Variants in UBR4 observed in about 807,000 individuals in gnomAD.
UBR4 encodes E3 ubiquitin-protein ligase UBR4.
A neutral mutation model predicts 575.6 loss-of-function variants in UBR4; 124 were observed. That is an observed-to-expected ratio of 0.22 (90% confidence interval 0.19 to 0.25). The LOEUF (loss-of-function observed/expected upper bound fraction) is 0.25, where lower values mean the gene tolerates loss of function less well. Among genes scored for constraint, UBR4 ranks in the 10% least tolerant of loss-of-function variants. UBR4 has a pLI of 1.00. For synonymous variants in UBR4, 2,455 were observed against 2,473.7 expected, an observed-to-expected ratio of 0.99 and a Z score of 0.22; for missense variants, 4,818 against 6,478.8, an observed-to-expected ratio of 0.74 and a Z score of 8.80.
rs972647742 is a variant in UBR4 at position 19,100,320 on chromosome 1, GCCTAGGAGGAAGCC to G, written c.13221+42_13221+55del. 1.3e-5 allele frequency: 21 copies of G among 1,598,808 alleles called. No individual in the cohort carries two copies. The African/African-American group carries it at 2.7e-4, about 20-fold the overall frequency. ...AGGAAGAAGCACCTGGATTTGGTTA[GCCTAGGAGGAAGCC>G]CCTAATCGTAAACGTGGGCAGCACT... On this transcript the variant is annotated intron_variant, in intron 89 of 105. Coordinates refer to ENST00000375254, the MANE Select transcript of UBR4 (RefSeq NM_020765.3). This position sits in a 1 kb window ranked among gnomAD's most constrained non-coding sequence, Gnocchi z 4.2.
rs61996286 is a variant in UBR4 at position 19,112,532 on chromosome 1, G to T, written c.11793C>A (p.Leu3931=). The change falls in exon 78 of 106, where the codon CTC becomes CTA. Residue 3931 remains leucine (L), a synonymous_variant. Transcript: ENST00000375254. The stretch of plus-strand genomic sequence containing the variant: ...ATGGTGTAGGTACTGACCGAGTTAG[G>T]AGGCACATGAGCTGGCGGACCTCCT... ...MREEVRQLMC[L]LTRDNPEATQ... is the part of the protein sequence containing the mutation. 3.2e-3 allele frequency: 5,226 copies of T among 1,610,304 alleles called. 179 individuals are homozygous for T. In the African/African-American group the frequency reaches 0.062, roughly 19 times the overall value.
chr1:19,192,181 C>A lies in UBR4; in HGVS notation c.1394+7G>T, dbSNP rs755113727. On this transcript the variant is annotated splice_region_variant and intron_variant, in intron 11 of 105. Coordinates refer to ENST00000375254, the MANE Select transcript of UBR4 (RefSeq NM_020765.3). ...AAAATATAAGTTATAATCAAGTAGA[C>A]ACATACCCTTTTCCAGGCCCCAGTT... 6 of 1,613,278 alleles carry A rather than the reference C, an allele frequency of 3.7e-6. No homozygotes were observed. The highest frequency in any genetic ancestry group is 5.1e-6 in the Non-Finnish European group (6 of 1,179,692).
chr1:19,147,097 C>A (rs2084976493), intron 51 of UBR4, 97 bp from the exon 52 acceptor site: 13 of 1,379,706 alleles, frequency 9.4e-6, no homozygotes, highest in African/African-American at 5.8e-5. Context: ...AGGATTATTA[C>A]CTCCTCTCAA....
chr1:19,082,024 C>A, intron 102 of UBR4: 1 of 559,980 alleles, frequency 1.8e-6, no homozygotes, highest in Non-Finnish European at 3.2e-6. Flanking sequence ...CCTGACTCCC[C>A]CTTGCTCCAC....
Position 19,164,904 on chromosome 1 carries a change from G to T in UBR4, c.4406C>A (p.Thr1469Asn). ...VEPVRLQAWL[T>N]RMTTSPPKDS... ...TTTTGGGGGCGATGTAGTCATGCGG[G>T]TGAGCCAGGCCTGCAGGCGCACAGG... The change falls in exon 32 of 106, where the codon ACC becomes AAC. Residue 1469 changes from threonine to asparagine, a missense_variant. Coordinates refer to ENST00000375254, the MANE Select transcript of UBR4 (RefSeq NM_020765.3). 6.2e-7 allele frequency: 1 copy of T among 1,614,176 alleles called. No homozygotes were observed. The highest frequency in any genetic ancestry group is 1.1e-5 in the South Asian group (1 of 91,084).
chr1:19,137,121 A>G (rs2149862386), intron 60 of UBR4, among the ~76,000 whole-genome samples: 1 of 152,168 alleles, frequency 6.6e-6, no homozygotes, highest in Admixed American at 6.5e-5. Flanking sequence ...GCAACAGGGC[A>G]AAACTCCATC....
At chr1:19,090,693 CACA>C (rs766291954) in intron 97 of UBR4, among the ~76,000 whole-genome samples, 2 of 152,134 alleles carry the variant, frequency 1.3e-5, no homozygotes, top group African/African-American at 2.4e-5. Context: ...GGACCAGCTA[CACA>C]ACAAGATGTG....
At chr1:19,201,164 G>A (rs1303221057) in intron 2 of UBR4, among the ~76,000 whole-genome samples, 2 of 152,110 alleles carry the variant, frequency 1.3e-5, no homozygotes, top group African/African-American at 4.8e-5. Flanking sequence ...AAAATAATTA[G>A]AATTCTTCAG....
chr1:19,166,873 G>A, intron 29 of UBR4, 149 bp downstream of exon 29: 2 of 875,516 alleles, frequency 2.3e-6, no homozygotes, highest in South Asian at 1.8e-5. Context: ...TCCACCCTGG[G>A]CGACAGAGCG....
chr1:19,120,414 G>C (rs994107643), intron 68 of UBR4, 66 bp from the exon 69 acceptor site: 6 of 1,544,954 alleles, frequency 3.9e-6, no homozygotes, highest in Non-Finnish European at 5.3e-6. Context: ...CCTAAGGCCT[G>C]GGCTACCAAA....
chr1:19,116,811 G>A (rs1557650595), intron 73 of UBR4, among the ~76,000 whole-genome samples: 1 of 152,230 alleles, frequency 6.6e-6, no homozygotes, highest in African/African-American at 2.4e-5. Context: ...GAAGCTTCTT[G>A]AGAAATAACT....
intron 84 of UBR4, 44 bp from the exon 85 acceptor site, chr1:19,105,233 A>G (rs1183017269): frequency 1.3e-6 from 2 of 1,587,346 alleles, no homozygotes; most frequent in South Asian, 1.1e-5. Flanking sequence ...GAACTCTAGC[A>G]TTTCGAACAG....
chr1:19,110,157 A>G lies in UBR4; in HGVS notation c.12044T>C (p.Met4015Thr), dbSNP rs770579472. The stretch of plus-strand genomic sequence containing the variant: ...CAGCTTCTGCAAGATCCTCAGGCAC[A>G]TGAGGGTAATGTTTTCAACCACCAC... ...TPVVVENITL[M>T]CLRILQKLIK... The change falls in exon 81 of 106, where the codon ATG (methionine) becomes ACG (threonine). Residue 4015 changes from methionine to threonine, a missense_variant. Met to Thr is a moderately conservative substitution (Grantham distance 81). Around this residue, in one of 29 missense-constraint regions of UBR4, gnomAD observed 333 missense variants for 459.2 expected, o/e 0.73. Transcript: ENST00000375254. The surrounding 1 kb of genome is among the most constrained non-coding windows in gnomAD (Gnocchi z 4.5). The G allele has an allele frequency of 6.2e-7, 1 of 1,614,160 alleles. No homozygotes were observed. Among genetic ancestry groups the G allele is most frequent in the South Asian group, 1.1e-5 (1 of 91,074 alleles).
intron 11 of UBR4, 107 bp from the exon 12 acceptor site, chr1:19,187,647 T>C: frequency 9.8e-7 from 1 of 1,018,192 alleles, no homozygotes; most frequent in Non-Finnish European, 1.4e-6. Context: ...CCTTTCAGAC[T>C]CTGTGGACCT....
intron 73 of UBR4, among the ~76,000 whole-genome samples, chr1:19,116,393 T>C (rs965721180): frequency 1.2e-4 from 18 of 152,326 alleles, no homozygotes; most frequent in Non-Finnish European, 2.4e-4. Flanking sequence ...GCCACCCTAA[T>C]GTGCAGCATC....
chr1:19,172,899 C>T lies in UBR4; in HGVS notation c.3486G>A (p.Thr1162=), dbSNP rs779894717. 26 of 1,614,050 alleles carry T rather than the reference C, an allele frequency of 1.6e-5. No homozygotes were observed. The highest frequency in any genetic ancestry group is 2.2e-5 in the East Asian group (1 of 44,894). ...ATGCATAGGTGTCAATGAGTTGCAG[C>T]GTGGCTGGAAGTAGGTTCTTGGTAA... The part of the protein sequence containing the change: ...SEITKNLLPA[T]LQLIDTYASF... Residue 1162 remains threonine, a synonymous_variant, in exon 25 of 106, where the codon ACG becomes ACA. Transcript: ENST00000375254.
Position 19,138,066 on chromosome 1 carries a change from T to TC in UBR4, c.8846dup (p.Asp2950ArgfsTer12), listed in dbSNP as rs755411231. The TC allele has an allele frequency of 2.5e-6, 4 of 1,594,400 alleles. No individual in the cohort carries two copies. The highest frequency in any genetic ancestry group is 3.4e-6 in the Non-Finnish European group (4 of 1,167,766). The stretch of plus-strand genomic sequence containing the variant: ...CTTCTCCTTCTCCCTCGGAGCCATC[T>TC]CCCTCCTGGTGCCCAGTGGTGGTGC... On this transcript the variant is annotated frameshift_variant, in exon 60 of 106. Coordinates refer to ENST00000375254, the MANE Select transcript of UBR4 (RefSeq NM_020765.3). LOFTEE classifies it high-confidence loss of function.
intron 22 of UBR4, 84 bp downstream of exon 22, chr1:19,174,235 G>A (rs6694521): frequency 0.63 from 953,453 of 1,521,772 alleles, 302,222 homozygotes; most frequent in East Asian, 0.83. Flanking sequence ...CAATAAACTG[G>A]TTACATTTCA....
intron 53 of UBR4, 130 bp downstream of exon 53, chr1:19,145,663 T>C (rs771974298): frequency 6.3e-5 from 77 of 1,219,268 alleles, no homozygotes; most frequent in Non-Finnish European, 8.4e-5. Flanking sequence ...AGACTTCTAC[T>C]TCCCAATTAT....
Sources: gnomAD v4.1 joint callset for allele counts (sites outside exome capture counted in the v4.1 genomes callset) on GRCh38, gnomAD v4.1.1 for gene constraint, gnomAD v4.1.1 regional missense constraint, Gnocchi (gnomAD v3.1) non-coding constraint, MANE v1.5 for transcripts, NCBI Gene and HGNC (gene_info 2026-07-23, HGNC 2026-07-21) for gene names.